Variants in SEZ6L2 observed in about 807,000 individuals in gnomAD.
SEZ6L2 encodes seizure related 6 homolog like 2, also known as seizure 6-like protein 2.
A neutral mutation model predicts 97.0 loss-of-function variants in SEZ6L2; 44 were observed. That is an observed-to-expected ratio of 0.45 (90% confidence interval 0.36 to 0.58). The LOEUF (loss-of-function observed/expected upper bound fraction) is 0.58, where lower values mean the gene tolerates loss of function less well. Among genes scored for constraint, SEZ6L2 ranks in the 20% least tolerant of loss-of-function variants. The pLI is 0.00. For synonymous variants in SEZ6L2, 543 were observed against 546.1 expected (o/e 0.99, Z 0.08); for missense variants, 1,086 against 1,233.3 (o/e 0.88, Z 1.79).
At position 29,899,102 on chromosome 16, in the gene SEZ6L2, C is replaced by A; in HGVS notation, c.-83G>T. Reference sequence around the variant, plus strand: ...TTCCTCCGTCTCCGTTTATCTTTCCCTTTAATTGTTTTTTTTTTTTTTTTT... The same window carrying A: ...TTCCTCCGTCTCCGTTTATCTTTCCATTTAATTGTTTTTTTTTTTTTTTTT... On this transcript the variant is annotated 5_prime_UTR_variant, in exon 1 of 18. It adds an upstream start codon to the 5' untranslated region. Coordinates refer to ENST00000617533, the MANE Select transcript of SEZ6L2 (RefSeq NM_001243332.2). The A allele has an allele frequency of 1.4e-5, 12 of 834,822 alleles. No individual in the cohort carries two copies. The highest frequency in any genetic ancestry group is 2.0e-5 in the Non-Finnish European group (11 of 541,442). The allele number at this position is 834,822 out of a possible 1,614,324, so 51.7% of individuals were successfully genotyped here.
intron 7 of SEZ6L2, among the ~76,000 whole-genome samples, chr16:29,886,680 TAAAA>T (rs60991015): frequency 7.2e-6 from 1 of 138,738 alleles, no homozygotes; most frequent in Non-Finnish European, 1.6e-5. Context: ...GACTCCATCT[TAAAA>T]AAAAAAAAAA....
At chr16:29,890,723 G>A (rs1179458752) in intron 5 of SEZ6L2, among the ~76,000 whole-genome samples, 3 of 136,186 alleles carry the variant, frequency 2.2e-5, no homozygotes, top group Non-Finnish European at 4.7e-5. Flanking sequence ...GCATGATTTT[G>A]TCATCACATT....
intron 5 of SEZ6L2, among the ~76,000 whole-genome samples, chr16:29,889,994 C>T (rs1340261272): frequency 4.6e-5 from 7 of 151,700 alleles, no homozygotes; most frequent in South Asian, 4.1e-4. Context: ...CTGCAACCTC[C>T]GTCTCCCGGG....
chr16:29,882,111 C>T (rs937189919), intron 8 of SEZ6L2, among the ~76,000 whole-genome samples: 1 of 151,470 alleles, frequency 6.6e-6, no homozygotes. Flanking sequence ...GCTGGGATTA[C>T]AGGCACGTAC....
Position 29,872,725 on chromosome 16 carries a change from A to G in SEZ6L2, c.2507T>C (p.Leu836Pro). 6.2e-7 allele frequency: 1 copy of G among 1,607,002 alleles called. No homozygotes were observed. Residue 836 changes from leucine to proline, a missense_variant, in exon 15 of 18, where the codon CTG (leucine) becomes CCG (proline). By Grantham distance (98) the Leu-to-Pro change is moderately conservative (BLOSUM62 -3). This residue lies in a region of SEZ6L2 where 310 missense variants were observed against 438.6 expected (regional missense o/e 0.71). Transcript: ENST00000617533. ...CTGACCTTCCAGTTTTCGGTTGTCC[A>G]GGAGCTCCTCATAGGCAACTGCAGG... ...PLCKVAYEEL[L>P]DNRKLEVTQT...
At chr16:29,888,898 C>G (rs988755850) in intron 5 of SEZ6L2, among the ~76,000 whole-genome samples, 173 bp from the exon 6 acceptor site, 3 of 151,804 alleles carry the variant, frequency 2.0e-5, no homozygotes, top group African/African-American at 7.3e-5. Flanking sequence ...CACCTTGCCT[C>G]GCGAACAGGA....
At chr16:29,887,623 T>A (rs2068173736) in intron 7 of SEZ6L2, 26 bp downstream of exon 7, 3 of 1,531,220 alleles carry the variant, frequency 2.0e-6, no homozygotes, top group Non-Finnish European at 2.6e-6. Context: ...AGGTGGGGAC[T>A]TCTGACCCAA....
chr16:29,890,743 C>CTTTTTTTTTTTTTTT (rs71143763), intron 5 of SEZ6L2, among the ~76,000 whole-genome samples: 1 of 74,360 alleles, frequency 1.3e-5, no homozygotes, highest in African/African-American at 6.0e-5. Flanking sequence ...TAACCATTGT[C>CTTTTTTTTTTTTTTT]TTTTTTTTTT....
At position 29,895,796 on chromosome 16, in the gene SEZ6L2, G is replaced by A. The variant is rs201074025; in HGVS notation, c.576C>T (p.Pro192=). 79 of 1,614,070 alleles carry A rather than the reference G, an allele frequency of 4.9e-5. No homozygotes were observed. The African/African-American group carries it at 7.7e-4, about 16-fold the overall frequency. The change falls in exon 4 of 18, where the codon CCC becomes CCT. Residue 192 remains proline (P), a synonymous_variant. Transcript: ENST00000617533. ...GYVESPDLGS[P]VSRTLGLLDC... The stretch of plus-strand genomic sequence containing the variant: ...CCAGGAGCCCCAGGGTGCGGCTGAC[G>A]GGGCTCCCCAGATCTGGAGACTCCA...
In SEZ6L2 at chr16:29,878,297, G is replaced by C; in HGVS notation, c.1702C>G (p.Gln568Glu). The C allele has an allele frequency of 6.3e-7, 1 of 1,589,368 alleles. No homozygotes were observed. Among genetic ancestry groups the C allele is most frequent in the South Asian group, 1.2e-5 (1 of 86,498 alleles). ...AGGACCCAAACATACATCTCAACTTGGAGCAAGATGCGCTTCTCTTCCTGG... is the reference window on the plus strand; with the variant it reads ...AGGACCCAAACATACATCTCAACTTCGAGCAAGATGCGCTTCTCTTCCTGG... ...HVQEEKRILL[Q>E]VEILNVREGD... Residue 568 changes from glutamine (Q) to glutamate (E), a missense_variant, in exon 10 of 18, where the codon CAA (glutamine) becomes GAA (glutamate). Physicochemically the swap from Gln to Glu is conservative, Grantham distance 29. This residue lies in a region of SEZ6L2 where 776 missense variants were observed against 794.7 expected (regional missense o/e 0.98). Transcript: ENST00000617533.
At chr16:29,872,683 C>T (rs1567408831) in intron 15 of SEZ6L2, 22 bp downstream of exon 15, 1 of 1,612,702 alleles carries the variant, frequency 6.2e-7, no homozygotes, top group Non-Finnish European at 8.5e-7. Flanking sequence ...CAGCCTGGGT[C>T]TCCACCTGTG....
chr16:29,882,577 C>CA (rs201664178), intron 8 of SEZ6L2, among the ~76,000 whole-genome samples: 638 of 91,296 alleles, frequency 7.0e-3, no homozygotes, highest in South Asian at 0.039. Context: ...AACTCCATCT[C>CA]AAAAAAAAAA....
chr16:29,877,148 G>C, intron 11 of SEZ6L2, 123 bp downstream of exon 11: 2 of 1,200,874 alleles, frequency 1.7e-6, no homozygotes, highest in Non-Finnish European at 2.3e-6. Flanking sequence ...GGCTTCAAAC[G>C]ATCCTCCCGC....
At chr16:29,891,961 G>A (rs2068280676) in intron 5 of SEZ6L2, among the ~76,000 whole-genome samples, 1 of 152,192 alleles carries the variant, frequency 6.6e-6, no homozygotes, top group Non-Finnish European at 1.5e-5. Flanking sequence ...CTGGGAGCCA[G>A]GGACTCGGGG....
Position 29,897,886 on chromosome 16 carries a change from G to A in SEZ6L2, c.178C>T (p.Leu60=). The A allele has an allele frequency of 6.2e-7, 1 of 1,613,118 alleles. No individual in the cohort carries two copies. The highest frequency in any genetic ancestry group is 8.5e-7 in the Non-Finnish European group (1 of 1,179,632). The part of the protein sequence containing the change: ...ALAELLHGAL[L]RRGPEMGYLP... Reference sequence around the variant, plus strand: ...TAGCCCATCTCTGGGCCCCTCCTCAGCAGGGCCCCATGAAGCAGTTCAGCC... The same window carrying A: ...TAGCCCATCTCTGGGCCCCTCCTCAACAGGGCCCCATGAAGCAGTTCAGCC... The change falls in exon 2 of 18, where the codon CTG becomes TTG. Residue 60 remains leucine (L), a synonymous_variant. Transcript: ENST00000617533.
At chr16:29,872,643 C>T in intron 15 of SEZ6L2, 62 bp downstream of exon 15, 2 of 1,604,888 alleles carry the variant, frequency 1.2e-6, no homozygotes, top group Non-Finnish European at 1.7e-6. Context: ...GCCTCCTGCC[C>T]CAGCCTCTGC....
At chr16:29,888,354 C>A (rs2068192427) in intron 6 of SEZ6L2, among the ~76,000 whole-genome samples, 186 bp downstream of exon 6, 1 of 152,082 alleles carries the variant, frequency 6.6e-6, no homozygotes, top group South Asian at 2.1e-4. Flanking sequence ...GATGGAGAAA[C>A]CCCAAGGAGA....
In SEZ6L2 at chr16:29,899,348, C is replaced by A; in HGVS notation, c.-329G>T. Reference sequence around the variant, plus strand: ...GGCCTGGGTTACCCTCCTGCTCAGGCGCCTGGGTCCACTGGGCTGTCTGGA... The same window carrying A: ...GGCCTGGGTTACCCTCCTGCTCAGGAGCCTGGGTCCACTGGGCTGTCTGGA... On this transcript the variant is annotated 5_prime_UTR_variant, in exon 1 of 18. Transcript: ENST00000617533. 1 of 337,762 alleles carries A rather than the reference C, an allele frequency of 3.0e-6. No homozygotes were observed. Among genetic ancestry groups the A allele is most frequent in the Non-Finnish European group, 5.4e-6 (1 of 183,618 alleles). The allele number at this position is 337,762 out of a possible 1,614,324, so 20.9% of individuals were successfully genotyped here. A position where few individuals can be genotyped will look rare whatever the true frequency, so the allele number is the denominator to read the frequency against.
In SEZ6L2 at chr16:29,880,429, G is replaced by A. The variant is rs541831949; in HGVS notation, c.1373-365C>T. On this transcript the variant is annotated intron_variant, in intron 8 of 17. Transcript: ENST00000617533. ...CAACCTCCGCCTCCTGGGTTCAAGC[G>A]ATTCTCCTGCCTCCTGAGTAGCTGG... 3.7e-4 allele frequency among the ~76,000 whole-genome samples: 57 copies of A among 152,034 alleles called. 1 individual carries two copies. Among genetic ancestry groups the A allele is most frequent in the African/African-American group, 1.3e-3 (53 of 41,478 alleles).
Sources: gnomAD v4.1 joint callset for allele counts (sites outside exome capture counted in the v4.1 genomes callset) on GRCh38, gnomAD v4.1.1 for gene constraint, gnomAD v4.1.1 regional missense constraint, MANE v1.5 for transcripts, NCBI Gene and HGNC (gene_info 2026-07-23, HGNC 2026-07-21) for gene names.